KIRREL1: variants seen among roughly 807,000 people sequenced by gnomAD.
The protein encoded by KIRREL1 is kin of IRRE-like protein 1.
KIRREL1 carries 25 observed loss-of-function variants against 83.3 expected under a neutral mutation model. The ratio of observed to expected loss-of-function variants is 0.30; its 90% CI spans 0.22 to 0.42. KIRREL1 has a LOEUF of 0.42. Ranked by LOEUF, KIRREL1 falls within the 10% of genes least tolerant of loss-of-function variation. The pLI is 1.00. For synonymous variants in KIRREL1, 388 were observed against 410.4 expected (o/e 0.95, Z 0.66); for missense variants, 812 against 1,032.3 (o/e 0.79, Z 2.92).
At chr1:158,023,539 A>G (rs1041160550) in intron 1 of KIRREL1, among the ~76,000 whole-genome samples, 1 of 152,156 alleles carries the variant, frequency 6.6e-6, no homozygotes, top group Admixed American at 6.5e-5. Context: ...AGGAATCCCC[A>G]CACCAGACAG....
At chr1:158,069,711 G>A (rs1661457422) in intron 1 of KIRREL1, among the ~76,000 whole-genome samples, 1 of 152,176 alleles carries the variant, frequency 6.6e-6, no homozygotes, top group African/African-American at 2.4e-5. Context: ...CATTCCAAGG[G>A]AGCCAGTGGC....
chr1:158,026,769 G>A (rs1660183731), intron 1 of KIRREL1, among the ~76,000 whole-genome samples: 1 of 152,164 alleles, frequency 6.6e-6, no homozygotes, highest in East Asian at 1.9e-4. Flanking sequence ...GAGCAGCTGG[G>A]ATTGGAGTCA....
At chr1:158,043,533 T>C (rs187924188) in intron 1 of KIRREL1, among the ~76,000 whole-genome samples, 1 of 152,326 alleles carries the variant, frequency 6.6e-6, no homozygotes, top group East Asian at 1.9e-4. Flanking sequence ...CACTGATAGT[T>C]CAGGGGAGTT....
intron 1 of KIRREL1, among the ~76,000 whole-genome samples, chr1:157,994,387 AG>A (rs897511465): frequency 1.7e-3 from 27 of 16,066 alleles, no homozygotes; most frequent in Non-Finnish European, 2.9e-3. Context: ...CTTGATACAG[AG>A]GGGGGGAACT....
intron 1 of KIRREL1, among the ~76,000 whole-genome samples, chr1:158,026,430 A>G (rs1366950734): frequency 6.6e-6 from 1 of 152,188 alleles, no homozygotes; most frequent in Admixed American, 6.5e-5. Flanking sequence ...TGTTAACCTA[A>G]TGAGAACATG....
chr1:158,057,010 C>T (rs1214579670), intron 1 of KIRREL1, among the ~76,000 whole-genome samples: 3 of 152,076 alleles, frequency 2.0e-5, no homozygotes, highest in Non-Finnish European at 4.4e-5. Context: ...ATCTTTTTTT[C>T]ATCTTCTCCT....
chr1:158,037,512 A>AG (rs1258676165), intron 1 of KIRREL1, among the ~76,000 whole-genome samples: 1 of 150,594 alleles, frequency 6.6e-6, no homozygotes, highest in Non-Finnish European at 1.5e-5. Context: ...AAAAAAAAAA[A>AG]GGAAGGGGTC....
At chr1:158,008,418 G>A (rs898939769) in intron 1 of KIRREL1, among the ~76,000 whole-genome samples, 12 of 152,158 alleles carry the variant, frequency 7.9e-5, no homozygotes, top group African/African-American at 2.7e-4. Flanking sequence ...TGCCCTAGGG[G>A]TACAGCAGGA....
chr1:157,999,257 T>C (rs1477129657), intron 1 of KIRREL1, among the ~76,000 whole-genome samples: 1 of 152,206 alleles, frequency 6.6e-6, no homozygotes, highest in Non-Finnish European at 1.5e-5. Flanking sequence ...TTTTAATCAG[T>C]GGGGCTGGGA....
At chr1:158,085,222 T>C (rs985937970) in intron 4 of KIRREL1, among the ~76,000 whole-genome samples, 1 of 152,240 alleles carries the variant, frequency 6.6e-6, no homozygotes, top group Non-Finnish European at 1.5e-5. Flanking sequence ...CAAAGCCAGA[T>C]TTCCTGGTTG....
intron 1 of KIRREL1, among the ~76,000 whole-genome samples, chr1:158,037,429 GT>G (rs1660507501): frequency 1.3e-5 from 2 of 148,578 alleles, no homozygotes; most frequent in East Asian, 4.0e-4. Context: ...CGAGGCAGAG[GT>G]TGCAGTAAGC....
In KIRREL1 at chr1:158,097,244, A is replaced by G. The variant is rs1161750269; in HGVS notation, c.*2124A>G. ...TACAGACAAATTCATGCAAATTTCT[A>G]TTATTTTCACAAAAACCAGAAACCA... On this transcript the variant is annotated 3_prime_UTR_variant, in exon 15 of 15. Transcript: ENST00000359209. The G allele has an allele frequency of 9.2e-6, 3 of 325,942 alleles. No homozygotes were observed. Among genetic ancestry groups the G allele is most frequent in the East Asian group, 8.3e-5 (1 of 12,104 alleles). The allele number at this position is 325,942 out of a possible 1,614,324, so 20.2% of individuals were successfully genotyped here.
intron 1 of KIRREL1, among the ~76,000 whole-genome samples, chr1:158,068,531 C>CCT (rs1173941349): frequency 6.6e-6 from 1 of 152,204 alleles, no homozygotes; most frequent in African/African-American, 2.4e-5. Flanking sequence ...CTCTGGGGAG[C>CCT]CTCTGCCTGC....
At chr1:157,998,147 G>T (rs1659257452) in intron 1 of KIRREL1, among the ~76,000 whole-genome samples, 1 of 152,118 alleles carries the variant, frequency 6.6e-6, no homozygotes, top group South Asian at 2.1e-4. Flanking sequence ...CGGGATTATA[G>T]GTGTGAGCCA....
intron 1 of KIRREL1, among the ~76,000 whole-genome samples, chr1:158,073,334 A>G (rs1312200412): frequency 2.0e-5 from 3 of 152,042 alleles, no homozygotes. Flanking sequence ...GTCAGATACC[A>G]CCTTCTTTGT....
chr1:158,012,710 T>C (rs985688850), intron 1 of KIRREL1, among the ~76,000 whole-genome samples: 1 of 152,214 alleles, frequency 6.6e-6, no homozygotes, highest in African/African-American at 2.4e-5. Flanking sequence ...GTTGTGAATA[T>C]AAGTTAATGT....
At chr1:158,019,228 G>A (rs1659930234) in intron 1 of KIRREL1, among the ~76,000 whole-genome samples, 1 of 152,172 alleles carries the variant, frequency 6.6e-6, no homozygotes, top group Non-Finnish European at 1.5e-5. Context: ...AGAGAGAGGA[G>A]CAGACTGGAG....
intron 1 of KIRREL1, among the ~76,000 whole-genome samples, chr1:158,022,314 TAACTTGTGCTAAACACCTACTATG>T (rs1278199455): frequency 6.6e-6 from 1 of 152,206 alleles, no homozygotes; most frequent in East Asian, 1.9e-4. Flanking sequence ...TTTGAGCATT[TAACTTGTGCTAAACACCTACTATG>T]TTCTGGGATG....
intron 1 of KIRREL1, among the ~76,000 whole-genome samples, chr1:158,016,973 C>A (rs549387666): frequency 4.6e-5 from 7 of 152,332 alleles, no homozygotes; most frequent in Non-Finnish European, 7.3e-5. Flanking sequence ...TTCCAACAAA[C>A]CTTTCATTTG....
Sources: allele counts gnomAD v4.1 joint callset (sites outside exome capture counted in the v4.1 genomes callset), GRCh38; gene constraint gnomAD v4.1.1; transcripts MANE v1.5; gene names NCBI Gene and HGNC (gene_info 2026-07-23, HGNC 2026-07-21).